The following SSBP2 variants were observed in gnomAD, a reference collection of about 807,000 sequenced individuals.
SSBP2 encodes the protein single stranded DNA binding protein 2, also known as single-stranded DNA-binding protein 2.
SSBP2 carries 17 observed loss-of-function variants against 61.8 expected under a neutral mutation model. That is an observed-to-expected ratio of 0.28 (90% CI 0.19 to 0.41). SSBP2 has a LOEUF of 0.41. Ranked by LOEUF, SSBP2 falls within the 10% of genes least tolerant of loss-of-function variation. The pLI is 1.00. For synonymous variants in SSBP2, 139 were observed against 141.3 expected, an observed-to-expected ratio of 0.98 and a Z score of 0.12; for missense variants, 310 against 458.7, an observed-to-expected ratio of 0.68 and a Z score of 2.96.
At chr5:81,675,107 T>C (rs1251682248) in intron 1 of SSBP2, among the ~76,000 whole-genome samples, 1 of 152,138 alleles carries the variant, frequency 6.6e-6, no homozygotes, top group Admixed American at 6.5e-5. Context: ...TAATAAGGTA[T>C]TCTCTTCCCC....
intron 15 of SSBP2, among the ~76,000 whole-genome samples, chr5:81,428,887 A>T (rs1055265244): frequency 7.2e-5 from 11 of 152,072 alleles, no homozygotes; most frequent in Non-Finnish European, 1.3e-4. Context: ...AAAAAAAAAT[A>T]AAAAAACCCC....
intron 16 of SSBP2, among the ~76,000 whole-genome samples, chr5:81,427,368 C>T (rs1762020346): frequency 6.6e-6 from 1 of 151,972 alleles, no homozygotes; most frequent in African/African-American, 2.4e-5. Flanking sequence ...TATTTGTCCT[C>T]ACTAATCATA....
chr5:81,518,848 A>AT (rs1561493910), intron 4 of SSBP2, among the ~76,000 whole-genome samples: 2 of 152,030 alleles, frequency 1.3e-5, no homozygotes, highest in Non-Finnish European at 2.9e-5. Context: ...TTGCCTTTTC[A>AT]TTTTTGGAGT....
intron 1 of SSBP2, among the ~76,000 whole-genome samples, chr5:81,667,427 A>G (rs751421570): frequency 5.3e-5 from 8 of 152,048 alleles, no homozygotes; most frequent in Non-Finnish European, 7.4e-5. Flanking sequence ...CAGTAGAAAG[A>G]CCTCATTGAA....
intron 4 of SSBP2, among the ~76,000 whole-genome samples, chr5:81,537,445 T>C (rs920926622): frequency 6.6e-6 from 1 of 152,136 alleles, no homozygotes; most frequent in African/African-American, 2.4e-5. Context: ...AGGAGACAGC[T>C]TATTCTGGGA....
intron 5 of SSBP2, among the ~76,000 whole-genome samples, chr5:81,493,763 A>AT (rs11410331): frequency 0.024 from 3,572 of 151,684 alleles, 139 homozygotes; most frequent in African/African-American, 0.078. Context: ...CTCAAAAAAA[A>AT]AAATAAAATA....
intron 1 of SSBP2, among the ~76,000 whole-genome samples, chr5:81,750,306 G>A (rs1409580442): frequency 3.8e-5 from 5 of 130,152 alleles, no homozygotes; most frequent in African/African-American, 1.2e-4. Flanking sequence ...CGCCGCGTCC[G>A]TAGCTGGCCC....
chr5:81,659,513 G>A (rs1315031372), intron 1 of SSBP2, among the ~76,000 whole-genome samples: 3 of 152,070 alleles, frequency 2.0e-5, no homozygotes, highest in African/African-American at 7.2e-5. Flanking sequence ...AAGAAAATGA[G>A]AGGACACAAA....
At chr5:81,468,508 G>C (rs1231741134) in intron 8 of SSBP2, among the ~76,000 whole-genome samples, 1 of 151,790 alleles carries the variant, frequency 6.6e-6, no homozygotes, top group Non-Finnish European at 1.5e-5. Flanking sequence ...GGTATTCAAG[G>C]CTCAGCCCCA....
chr5:81,600,813 T>C (rs905374907), intron 4 of SSBP2, among the ~76,000 whole-genome samples: 5 of 152,148 alleles, frequency 3.3e-5, no homozygotes, highest in Admixed American at 3.3e-4. Flanking sequence ...TTTCTTACTA[T>C]AGTAACAAAA....
chr5:81,433,788 A>C (rs1762495443), intron 15 of SSBP2, among the ~76,000 whole-genome samples: 1 of 152,224 alleles, frequency 6.6e-6, no homozygotes, highest in African/African-American at 2.4e-5. Context: ...AGAAAGAGGC[A>C]CATGAGTTTT....
At chr5:81,731,096 A>G (rs1015197999) in intron 1 of SSBP2, among the ~76,000 whole-genome samples, 16 of 152,204 alleles carry the variant, frequency 1.1e-4, no homozygotes, top group African/African-American at 3.9e-4. Flanking sequence ...TCCAATGTAG[A>G]TTCTATAAAT....
intron 11 of SSBP2, among the ~76,000 whole-genome samples, chr5:81,448,393 T>C (rs909786999): frequency 5.9e-5 from 9 of 152,144 alleles, no homozygotes; most frequent in African/African-American, 1.9e-4. Flanking sequence ...TCTAATTCAT[T>C]TGTGATTGGG....
At chr5:81,450,288 T>C (rs1157215657) in intron 10 of SSBP2, among the ~76,000 whole-genome samples, 1 of 152,138 alleles carries the variant, frequency 6.6e-6, no homozygotes, top group Non-Finnish European at 1.5e-5. Flanking sequence ...TCCCAAAGTG[T>C]CAGGATTATA....
At chr5:81,537,615 C>T (rs988745722) in intron 4 of SSBP2, among the ~76,000 whole-genome samples, 2 of 152,276 alleles carry the variant, frequency 1.3e-5, no homozygotes, top group African/African-American at 2.4e-5. Context: ...ACAGCATGTG[C>T]TCATTCAGGT....
rs79140325 is a variant in SSBP2, at chr5:81,472,701, G to A, written c.570+999C>T. 7.2e-3 allele frequency among the ~76,000 whole-genome samples: 1,101 copies of A among 152,226 alleles called. 20 individuals are homozygous for A. The highest frequency in any genetic ancestry group is 0.025 in the African/African-American group (1,043 of 41,530). ...TGCAACCTCTGCCTCCCAGGTTTAA[G>A]CGATTCTTCTGCCTCATCCTCTCGA... On this transcript the variant is annotated intron_variant, in intron 8 of 16. Coordinates refer to ENST00000320672, the MANE Select transcript of SSBP2 (RefSeq NM_012446.5).
chr5:81,685,791 T>C (rs1285160972), intron 1 of SSBP2, among the ~76,000 whole-genome samples: 1 of 152,190 alleles, frequency 6.6e-6, no homozygotes, highest in Non-Finnish European at 1.5e-5. Flanking sequence ...AGCCACTGGG[T>C]GGTCCACAAA....
At chr5:81,663,318 C>T (rs747264087) in intron 1 of SSBP2, among the ~76,000 whole-genome samples, 6 of 151,994 alleles carry the variant, frequency 3.9e-5, no homozygotes, top group Non-Finnish European at 8.8e-5. Context: ...GTATATAATA[C>T]GACTATATAT....
intron 4 of SSBP2, among the ~76,000 whole-genome samples, chr5:81,610,100 G>A (rs577779518): frequency 4.3e-4 from 65 of 152,220 alleles, no homozygotes; most frequent in Non-Finnish European, 7.6e-4. Context: ...TAACACAGTC[G>A]GGCTGGGGCA....
Sources: allele counts gnomAD v4.1 joint callset (sites outside exome capture counted in the v4.1 genomes callset), GRCh38; gene constraint gnomAD v4.1.1; transcripts MANE v1.5; gene names NCBI Gene and HGNC (gene_info 2026-07-23, HGNC 2026-07-21).